RYR2: variants seen among roughly 807,000 people sequenced by gnomAD.
RYR2 encodes the protein cardiac muscle ryanodine receptor-calcium release channel.
Under a neutral mutation model 601.1 loss-of-function variants are expected in RYR2, and 227 were observed. The ratio of observed to expected loss-of-function variants is 0.38; its 90% CI spans 0.34 to 0.42. RYR2 has a LOEUF of 0.42. Among genes scored for constraint, RYR2 ranks in the 10% least tolerant of loss-of-function variants. The pLI is 1.00. For synonymous variants in RYR2, 2,223 were observed against 2,175.1 expected (o/e 1.02, Z -0.61); for missense variants, 4,646 against 6,156.5 (o/e 0.75, Z 8.21).
intron 62 of RYR2, among the ~76,000 whole-genome samples, chr1:237,683,190 C>T (rs1035526482): frequency 1.3e-5 from 2 of 152,192 alleles, no homozygotes; most frequent in African/African-American, 4.8e-5. Context: ...GCATGATAAA[C>T]ACTATGATAA....
At chr1:237,640,188 G>T (rs937292185) in intron 46 of RYR2, among the ~76,000 whole-genome samples, 1 of 152,148 alleles carries the variant, frequency 6.6e-6, no homozygotes, top group Admixed American at 6.5e-5. Context: ...CAGGAATGAG[G>T]CTGTCATTCA....
Position 237,548,518 on chromosome 1 carries a change from G to T in RYR2, c.2994G>T (p.Lys998Asn), listed in dbSNP as rs753494850. Reference sequence around the variant, plus strand: ...CATCACAAGAAGCAATGGTGGACAAGTTGGCAGAAAATGCACATAATGTGT... The same window carrying T: ...CATCACAAGAAGCAATGGTGGACAATTTGGCAGAAAATGCACATAATGTGT... ...LTPSQEAMVD[K>N]LAENAHNVWA... Residue 998 changes from lysine to asparagine, a missense_variant, in exon 26 of 105, where the codon AAG becomes AAT. Coordinates refer to ENST00000366574, the MANE Select transcript of RYR2 (RefSeq NM_001035.3). The T allele has an allele frequency of 6.2e-7, 1 of 1,614,020 alleles. No homozygotes were observed. The highest frequency in any genetic ancestry group is 8.5e-7 in the Non-Finnish European group (1 of 1,179,886).
intron 58 of RYR2, among the ~76,000 whole-genome samples, chr1:237,668,270 A>T (rs2148879905): frequency 6.6e-6 from 1 of 152,260 alleles, no homozygotes; most frequent in East Asian, 1.9e-4. Flanking sequence ...TCCCCAACTT[A>T]AATATCTCCT....
intron 87 of RYR2, among the ~76,000 whole-genome samples, chr1:237,774,086 C>T (rs1694468963): frequency 6.6e-6 from 1 of 152,136 alleles, no homozygotes; most frequent in African/African-American, 2.4e-5. Context: ...ATAGAATATT[C>T]TTTTCTTTTT....
intron 1 of RYR2, among the ~76,000 whole-genome samples, chr1:237,199,788 G>A (rs1178829692): frequency 6.6e-6 from 1 of 152,124 alleles, no homozygotes; most frequent in Non-Finnish European, 1.5e-5. Context: ...GTGGATCTAT[G>A]AAAACTAATT....
chr1:237,084,056 GT>G (rs755090252), intron 1 of RYR2, among the ~76,000 whole-genome samples: 3 of 152,090 alleles, frequency 2.0e-5, no homozygotes, highest in Non-Finnish European at 4.4e-5. Flanking sequence ...TTCTCTCACT[GT>G]CCAAGTGTGA....
chr1:237,205,238 A>T (rs1681672924), intron 1 of RYR2, among the ~76,000 whole-genome samples: 1 of 152,160 alleles, frequency 6.6e-6, no homozygotes, highest in Admixed American at 6.5e-5. Flanking sequence ...CTTGTTTGTG[A>T]CAGGGTTGGA....
chr1:237,113,250 G>T (rs548790475), intron 1 of RYR2, among the ~76,000 whole-genome samples: 2 of 151,830 alleles, frequency 1.3e-5, no homozygotes, highest in Non-Finnish European at 2.9e-5. Flanking sequence ...CCAGACTGGG[G>T]TGCAGTGGCA....
At chr1:237,647,751 G>T (rs1682323591) in intron 48 of RYR2, among the ~76,000 whole-genome samples, 1 of 152,172 alleles carries the variant, frequency 6.6e-6, no homozygotes, top group Non-Finnish European at 1.5e-5. Context: ...GGTCAAACAG[G>T]AAGTAAATAA....
At chr1:237,170,665 G>A (rs884641) in intron 1 of RYR2, among the ~76,000 whole-genome samples, 52,573 of 152,118 alleles carry the variant, frequency 0.35, 9,223 homozygotes, top group East Asian at 0.51. Flanking sequence ...TTTGGAAACA[G>A]AAGAGGTTAT....
At chr1:237,638,754 A>T (rs556099462) in intron 45 of RYR2, among the ~76,000 whole-genome samples, 5 of 152,332 alleles carry the variant, frequency 3.3e-5, no homozygotes, top group South Asian at 4.1e-4. Flanking sequence ...GGATTATGAC[A>T]TCATTCTATA....
chr1:237,114,931 T>C (rs1669889906), intron 1 of RYR2, among the ~76,000 whole-genome samples: 2 of 152,168 alleles, frequency 1.3e-5, no homozygotes, highest in African/African-American at 4.8e-5. Context: ...GAACATGCAC[T>C]CAACTGGGGA....
chr1:237,641,919 A>T (rs557490478), intron 47 of RYR2, among the ~76,000 whole-genome samples: 1 of 152,190 alleles, frequency 6.6e-6, no homozygotes, highest in African/African-American at 2.4e-5. Context: ...TCTGTAATAC[A>T]TTCTGATATT....
intron 1 of RYR2, among the ~76,000 whole-genome samples, chr1:237,134,635 CA>C (rs1161447219): frequency 2.0e-5 from 3 of 152,176 alleles, no homozygotes; most frequent in South Asian, 4.1e-4. Context: ...GGGACACAGC[CA>C]AACGATATCA....
intron 23 of RYR2, among the ~76,000 whole-genome samples, chr1:237,511,203 A>G (rs2150546233): frequency 6.6e-6 from 1 of 151,998 alleles, no homozygotes; most frequent in Non-Finnish European, 1.5e-5. Flanking sequence ...AACAAAAGAG[A>G]CCAAAATCTT....
At chr1:237,499,637 T>C (rs1230710282) in intron 20 of RYR2, among the ~76,000 whole-genome samples, 1 of 151,280 alleles carries the variant, frequency 6.6e-6, no homozygotes, top group Non-Finnish European at 1.5e-5. Flanking sequence ...ATTTATTGCC[T>C]GTGGATTTGA....
At chr1:237,195,601 G>A (rs1382060347) in intron 1 of RYR2, among the ~76,000 whole-genome samples, 1 of 152,198 alleles carries the variant, frequency 6.6e-6, no homozygotes, top group Admixed American at 6.5e-5. Flanking sequence ...ATTAGGAAGT[G>A]TTCTCTATTT....
At chr1:237,548,050 TGAA>T (rs1019433419) in intron 25 of RYR2, among the ~76,000 whole-genome samples, 36 of 152,182 alleles carry the variant, frequency 2.4e-4, no homozygotes, top group Non-Finnish European at 4.4e-4. Flanking sequence ...ATTTAACAAT[TGAA>T]GAAAAATGAC....
At chr1:237,662,329 C>T (rs12729421) in intron 56 of RYR2, among the ~76,000 whole-genome samples, 121 of 151,806 alleles carry the variant, frequency 8.0e-4, no homozygotes, top group African/African-American at 2.9e-3. Flanking sequence ...GCACAAACTG[C>T]GTACTAGATA....
Sources: allele counts gnomAD v4.1 joint callset (sites outside exome capture counted in the v4.1 genomes callset), GRCh38; gene constraint gnomAD v4.1.1; transcripts MANE v1.5; gene names NCBI Gene and HGNC (gene_info 2026-07-23, HGNC 2026-07-21).